Variants in EML1 observed in about 807,000 individuals in gnomAD.
The protein encoded by EML1 is EMAP like 1, also known as echinoderm microtubule-associated protein-like 1.
EML1 carries 27 observed loss-of-function variants against 110.4 expected under a neutral mutation model. The ratio of observed to expected loss-of-function variants is 0.24; its 90% CI spans 0.18 to 0.34. The LOEUF is 0.34. Ranked by LOEUF, EML1 falls within the 10% of genes least tolerant of loss-of-function variation. The pLI is 1.00. For missense variants in EML1, 741 were observed against 1,030.9 expected (o/e 0.72, Z 3.85); for synonymous variants, 344 against 385.8 (o/e 0.89, Z 1.27).
chr14:99,755,324 A>T (rs1358246357), intron 1 of EML1, among the ~76,000 whole-genome samples: 1 of 152,146 alleles, frequency 6.6e-6, no homozygotes, highest in Non-Finnish European at 1.5e-5. Flanking sequence ...GGGGCCTGAG[A>T]GGCGCTATGC....
chr14:99,821,084 A>G, intron 1 of EML1, among the ~76,000 whole-genome samples: 1 of 146,862 alleles, frequency 6.8e-6, no homozygotes, highest in Non-Finnish European at 1.5e-5. Flanking sequence ...GTGCAGTGAC[A>G]CGGTCATAGC....
rs2060556838 is a variant in EML1 at position 99,939,941 on chromosome 14, T to C, written c.2323-46T>C. The C allele has an allele frequency of 6.8e-7, 1 of 1,477,660 alleles. No homozygotes were observed. The highest frequency in any genetic ancestry group is 1.5e-5 in the South Asian group (1 of 68,956). 91.5% of individuals were successfully genotyped at this position (1,477,660 alleles called of 1,614,324 possible). ...TCAAGCACTTTCCCATCCCAGATGG[T>C]TCGCCTTGTAGTAAAGGAAGCTTTC... On this transcript the variant is annotated intron_variant, in intron 21 of 21. Coordinates refer to ENST00000262233, the MANE Select transcript of EML1 (RefSeq NM_004434.3). The surrounding 1 kb of genome is among the most constrained non-coding windows in gnomAD (Gnocchi z 4.2).
At chr14:99,908,134 A>T (rs1260998725) in intron 10 of EML1, among the ~76,000 whole-genome samples, 4 of 152,196 alleles carry the variant, frequency 2.6e-5, no homozygotes, top group African/African-American at 9.7e-5. Context: ...CAGCCGCAGG[A>T]AGGGCAGGTA....
intron 9 of EML1, among the ~76,000 whole-genome samples, chr14:99,904,591 A>G (rs1226939977): frequency 6.6e-6 from 1 of 152,210 alleles, no homozygotes; most frequent in Non-Finnish European, 1.5e-5. Context: ...TTTCATATAT[A>G]AACATCACAC....
chr14:99,873,516 G>A (rs1195789857), intron 3 of EML1, among the ~76,000 whole-genome samples: 2 of 152,316 alleles, frequency 1.3e-5, no homozygotes, highest in East Asian at 3.9e-4. Flanking sequence ...ATCCATGTTT[G>A]AGTCTGTTCT....
chr14:99,817,682 G>A (rs1023586032), intron 1 of EML1, among the ~76,000 whole-genome samples: 29 of 152,156 alleles, frequency 1.9e-4, no homozygotes, highest in Admixed American at 1.3e-4. Context: ...TTCCCCATTC[G>A]GCACATTCCT....
In EML1 at chr14:99,940,168, A is replaced by AC. The variant is rs1308748755; in HGVS notation, c.*59dup. The AC allele has an allele frequency of 4.3e-6, 6 of 1,388,918 alleles. No homozygotes were observed. The highest frequency in any genetic ancestry group is 5.6e-6 in the Non-Finnish European group (6 of 1,065,958). 86.0% of individuals were successfully genotyped at this position (1,388,918 alleles called of 1,614,324 possible). On this transcript the variant is annotated 3_prime_UTR_variant, in exon 22 of 22. Transcript: ENST00000262233. The stretch of plus-strand genomic sequence containing the variant: ...GGCAAGGAAGACACAGACTCGCATT[A>AC]CCCTTGGTCACTGTGATTTCTGTTT...
intron 1 of EML1, among the ~76,000 whole-genome samples, chr14:99,756,455 G>A (rs1307871795): frequency 6.6e-6 from 1 of 152,216 alleles, no homozygotes; most frequent in Non-Finnish European, 1.5e-5. Flanking sequence ...CCTCTGTCTG[G>A]GGTTCCCACA....
chr14:99,884,384 A>G (rs1038359252), intron 4 of EML1, among the ~76,000 whole-genome samples: 2 of 152,212 alleles, frequency 1.3e-5, no homozygotes, highest in Admixed American at 6.5e-5. Context: ...TGCTGGACTT[A>G]TGGAGCACCT....
At chr14:99,792,529 T>G (rs2057687453), upstream of EML1, among the ~76,000 whole-genome samples, 1 of 152,176 alleles carries the variant, frequency 6.6e-6, no homozygotes, top group African/African-American at 2.4e-5. Context: ...AACTCATAGA[T>G]CTATGTGTTT....
chr14:99,909,292 C>G, intron 10 of EML1, 53 bp from the exon 11 acceptor site: 1 of 1,613,338 alleles, frequency 6.2e-7, no homozygotes. Context: ...TCCTACATGT[C>G]TCTTACGCGT....
chr14:99,932,100 C>T (rs1158258508), intron 17 of EML1, among the ~76,000 whole-genome samples: 1 of 152,118 alleles, frequency 6.6e-6, no homozygotes, highest in African/African-American at 2.4e-5. Context: ...GAGTTGTTTA[C>T]AAGGAAGATT....
upstream of EML1, among the ~76,000 whole-genome samples, chr14:99,770,186 G>A (rs2057408796): frequency 6.6e-6 from 1 of 152,162 alleles, no homozygotes; most frequent in Admixed American, 6.5e-5. Context: ...TAGACTTGGT[G>A]GATAAAACAA....
rs191544908 is a variant in EML1, at chr14:99,896,667, A to C, written c.678-478A>C. On this transcript the variant is annotated intron_variant, in intron 6 of 21. Coordinates refer to ENST00000262233, the MANE Select transcript of EML1 (RefSeq NM_004434.3). ...TGATATTTTGTTCTCAAAATAAAAT[A>C]ATTTTCAAGGTTTGGAAATATAATG... Among the ~76,000 whole-genome samples, 30 of 152,186 alleles carry C rather than the reference A, an allele frequency of 2.0e-4. No individual in the cohort carries two copies. The East Asian group carries it at 5.6e-3, about 28-fold the overall frequency.
chr14:99,912,171 A>G (rs1312852286), intron 13 of EML1, among the ~76,000 whole-genome samples: 3 of 152,030 alleles, frequency 2.0e-5, no homozygotes, highest in Non-Finnish European at 4.4e-5. Flanking sequence ...ATGAGCCACC[A>G]CGCCCAGCCT....
intron 1 of EML1, among the ~76,000 whole-genome samples, chr14:99,754,780 G>A (rs1197406495): frequency 1.3e-5 from 2 of 152,174 alleles, no homozygotes; most frequent in Non-Finnish European, 2.9e-5. Context: ...AACGTGGGAT[G>A]AGGACTATGG....
At chr14:99,747,374 G>T (rs2057123598) in intron 1 of EML1, among the ~76,000 whole-genome samples, 1 of 151,966 alleles carries the variant, frequency 6.6e-6, no homozygotes, top group Non-Finnish European at 1.5e-5. Flanking sequence ...GCACAGATCG[G>T]CTCCAGATGT....
intron 1 of EML1, among the ~76,000 whole-genome samples, chr14:99,762,364 CAG>C (rs1388463584): frequency 9.9e-5 from 15 of 152,138 alleles, no homozygotes; most frequent in African/African-American, 3.6e-4. Context: ...GAACAAGAAA[CAG>C]AACTTACACC....
At position 99,936,734 on chromosome 14, in the gene EML1, A is replaced by C. The variant is rs1055047722; in HGVS notation, c.2095+400A>C. On this transcript the variant is annotated intron_variant, in intron 19 of 21. Transcript: ENST00000262233. This position sits in a 1 kb window ranked among gnomAD's most constrained non-coding sequence, Gnocchi z 5.5. ...CCTCACAGGAGGGACCATGAAGTCC[A>C]TCCCCGCTGGGTGGACGGCAGCCCT... Among the ~76,000 whole-genome samples, 2 of 152,160 alleles carry C rather than the reference A, an allele frequency of 1.3e-5. No individual in the cohort carries two copies. Among genetic ancestry groups the C allele is most frequent in the African/African-American group, 4.8e-5 (2 of 41,448 alleles).
Sources: gnomAD v4.1 joint callset for allele counts (sites outside exome capture counted in the v4.1 genomes callset) on GRCh38, gnomAD v4.1.1 for gene constraint, Gnocchi (gnomAD v3.1) non-coding constraint, MANE v1.5 for transcripts, NCBI Gene and HGNC (gene_info 2026-07-23, HGNC 2026-07-21) for gene names.